RNF144A: variants seen among roughly 807,000 people sequenced by gnomAD.
RNF144A encodes ring finger protein 144A.
RNF144A carries 11 observed loss-of-function variants against 38.7 expected under a neutral mutation model. That is an observed-to-expected ratio of 0.28 (90% CI 0.18 to 0.47). The LOEUF (loss-of-function observed/expected upper bound fraction) is 0.47, where lower values mean the gene tolerates loss of function less well. RNF144A is among the 20% of genes least tolerant of loss of function. The pLI is 0.99. For missense variants in RNF144A, 316 were observed against 377.2 expected (o/e 0.84, Z 1.34); for synonymous variants, 149 against 143.9 (o/e 1.04, Z -0.25).
chr2:6,930,423 T>TA (rs1352144009), intron 1 of RNF144A, among the ~76,000 whole-genome samples: 1 of 152,034 alleles, frequency 6.6e-6, no homozygotes, highest in Non-Finnish European at 1.5e-5. Flanking sequence ...CTTAGTTTTG[T>TA]AAAAAATTAA....
rs989753409 is a variant in RNF144A, at chr2:6,958,593, TCTCTC to T, written c.-12+17449_-12+17453del. ...AGCACCTTGAGCTAACTCAGTAGCC[TCTCTC>T]CTATGTCACGGTGGGAGTGTGTGGG... On this transcript the variant is annotated intron_variant, in intron 2 of 8. Coordinates refer to ENST00000320892, the MANE Select transcript of RNF144A (RefSeq NM_014746.6). This position sits in a 1 kb window ranked among gnomAD's most constrained non-coding sequence, Gnocchi z 4.5. Among the ~76,000 whole-genome samples the T allele has an allele frequency of 1.4e-5, 2 of 146,200 alleles. No homozygotes were observed. Among genetic ancestry groups the T allele is most frequent in the African/African-American group, 5.6e-5 (2 of 35,820 alleles).
the RNF144A span, among the ~76,000 whole-genome samples, chr2:7,073,419 G>GT: frequency 6.6e-6 from 1 of 150,976 alleles, no homozygotes; most frequent in East Asian, 2.0e-4. Flanking sequence ...CAGAACATGT[G>GT]ATTCATATTC....
intron 3 of RNF144A, among the ~76,000 whole-genome samples, chr2:7,009,746 G>A (rs79900053): frequency 1.7e-4 from 26 of 152,332 alleles, no homozygotes; most frequent in African/African-American, 6.0e-4. Context: ...AGGCTGTGCA[G>A]GAGGTCGTGC....
chr2:7,035,329 A>G (rs1466649968), intron 8 of RNF144A, among the ~76,000 whole-genome samples: 1 of 152,166 alleles, frequency 6.6e-6, no homozygotes, highest in Non-Finnish European at 1.5e-5. Flanking sequence ...CCACAGGGAG[A>G]CATGTACCAG....
chr2:6,998,931 C>A (rs918964626), intron 3 of RNF144A, among the ~76,000 whole-genome samples: 1 of 152,236 alleles, frequency 6.6e-6, no homozygotes, highest in Non-Finnish European at 1.5e-5. Context: ...TCTCTGCAGT[C>A]GCCTGCCTGC....
chr2:6,928,850 G>T (rs1572200741), intron 1 of RNF144A, among the ~76,000 whole-genome samples: 1 of 152,108 alleles, frequency 6.6e-6, no homozygotes, highest in Non-Finnish European at 1.5e-5. Context: ...TCCTGCTGTG[G>T]CAGCCTGCCT....
At chr2:7,060,879 T>C (rs556849972) in intron 6 of RNF144A, among the ~76,000 whole-genome samples, 5 of 152,320 alleles carry the variant, frequency 3.3e-5, no homozygotes, top group Admixed American at 2.0e-4. Context: ...TGCCGGCACT[T>C]GTGTTGAATT....
intron 6 of RNF144A, among the ~76,000 whole-genome samples, chr2:7,051,678 C>G (rs1250953022): frequency 6.6e-6 from 1 of 152,196 alleles, no homozygotes; most frequent in Non-Finnish European, 1.5e-5. Flanking sequence ...GACCTGAGAT[C>G]AGGAGTTTGA....
chr2:7,042,437 T>C lies in RNF144A; in HGVS notation c.*2677T>C. On this transcript the variant is annotated 3_prime_UTR_variant, in exon 9 of 9. Coordinates refer to ENST00000320892, the MANE Select transcript of RNF144A (RefSeq NM_014746.6). ...GTTCACTGCAAGCCCCAGAAGCATA[T>C]GGCATGTGTTCACTAAGAGGCCTTT... The C allele has an allele frequency of 1.0e-6, 1 of 985,462 alleles. No homozygotes were observed. Among genetic ancestry groups the C allele is most frequent in the Non-Finnish European group, 1.2e-6 (1 of 829,942 alleles). The allele number at this position is 985,462 out of a possible 1,614,324, so 61.0% of individuals were successfully genotyped here.
At chr2:6,945,428 C>T (rs116678511) in intron 2 of RNF144A, among the ~76,000 whole-genome samples, 3,172 of 152,280 alleles carry the variant, frequency 0.021, 120 homozygotes, top group African/African-American at 0.074. Context: ...GGGCCATTTT[C>T]CTCCATATTC....
At position 6,997,283 on chromosome 2, in the gene RNF144A, G is replaced by A. The variant is rs1344666672; in HGVS notation, c.135+222G>A. On this transcript the variant is annotated intron_variant, in intron 3 of 8. Coordinates refer to ENST00000320892, the MANE Select transcript of RNF144A (RefSeq NM_014746.6). ...AGTTGCTTGTGGTGCAAAAGCAATCGGTTAAACAGAATTTTAGAAGCTCGT... is the reference window on the plus strand; with the variant it reads ...AGTTGCTTGTGGTGCAAAAGCAATCAGTTAAACAGAATTTTAGAAGCTCGT... 3.3e-5 allele frequency among the ~76,000 whole-genome samples: 5 copies of A among 152,132 alleles called. No homozygotes were observed. The East Asian group carries it at 7.7e-4, about 23-fold the overall frequency.
intron 6 of RNF144A, among the ~76,000 whole-genome samples, chr2:7,052,838 AAC>A (rs10670138): frequency 1.8e-4 from 27 of 149,992 alleles, no homozygotes; most frequent in Non-Finnish European, 2.5e-4. Context: ...CCCCCTTTCC[AAC>A]ACACACACAC....
Position 7,057,052 on chromosome 2 carries a change from C to T in RNF144A, c.735-11164C>T, listed in dbSNP as rs1572489576. Among the ~76,000 whole-genome samples the T allele has an allele frequency of 2.0e-5, 3 of 152,304 alleles. No homozygotes were observed. In the Middle Eastern group the frequency reaches 0.01, roughly 518 times the overall value. ...GCCAGTCTGGTGTTTATCAGAGAAACTGCCCATACATCAACAGGAGGTGAG... is the reference window on the plus strand; with the variant it reads ...GCCAGTCTGGTGTTTATCAGAGAAATTGCCCATACATCAACAGGAGGTGAG... On this transcript the variant is annotated intron_variant, in intron 6 of 6. Coordinates refer to the RNF144A transcript ENST00000432850.
chr2:6,959,901 T>C (rs1440224425), intron 2 of RNF144A, among the ~76,000 whole-genome samples: 1 of 152,126 alleles, frequency 6.6e-6, no homozygotes, highest in Non-Finnish European at 1.5e-5. Context: ...TCCCCTGGAT[T>C]CCCCGGGACT....
chr2:6,919,466 T>C (rs1005782913), intron 1 of RNF144A, among the ~76,000 whole-genome samples: 3 of 152,246 alleles, frequency 2.0e-5, no homozygotes, highest in Admixed American at 2.0e-4. Context: ...GGATAAATCA[T>C]GAAATCTTTG....
At chr2:7,059,487 A>G (rs944587874) in intron 6 of RNF144A, among the ~76,000 whole-genome samples, 5 of 152,212 alleles carry the variant, frequency 3.3e-5, no homozygotes, top group Non-Finnish European at 5.9e-5. Flanking sequence ...CAGCAAGGGC[A>G]TCTATGCTCA....
In RNF144A at chr2:7,039,896, G is replaced by A. The variant is rs143257902; in HGVS notation, c.*136G>A. On this transcript the variant is annotated 3_prime_UTR_variant, in exon 9 of 9. Transcript: ENST00000320892. ...TGAGCTTCACAGTGTCAGGCTGGAC[G>A]CCGTGATTTCAGGGACCTATGTCAC... 1.7e-5 allele frequency: 25 copies of A among 1,447,858 alleles called. No homozygotes were observed. The highest frequency in any genetic ancestry group is 1.3e-4 in the African/African-American group (9 of 69,992). The allele number at this position is 1,447,858 out of a possible 1,614,324, so 89.7% of individuals were successfully genotyped here.
intron 6 of RNF144A, among the ~76,000 whole-genome samples, chr2:7,059,150 A>G (rs1325392957): frequency 6.6e-6 from 1 of 152,110 alleles, no homozygotes. Context: ...GATCGAGACC[A>G]TCCTGGCTAA....
At chr2:7,070,932 G>GTTTT (rs138072047), downstream of RNF144A, among the ~76,000 whole-genome samples, 1 of 123,040 alleles carries the variant, frequency 8.1e-6, no homozygotes, top group Non-Finnish European at 1.7e-5. Context: ...GCTTTGCTGA[G>GTTTT]TTTTTTTTTT....
Sources: allele counts gnomAD v4.1 joint callset (sites outside exome capture counted in the v4.1 genomes callset), GRCh38; gene constraint gnomAD v4.1.1; non-coding constraint Gnocchi (gnomAD v3.1); transcripts MANE v1.5; gene names NCBI Gene and HGNC (gene_info 2026-07-23, HGNC 2026-07-21).